GMDS: variants seen among roughly 807,000 people sequenced by gnomAD.
GMDS encodes GDP-mannose 4,6 dehydratase.
Under a neutral mutation model 49.9 loss-of-function variants are expected in GMDS, and 20 were observed. The ratio of observed to expected loss-of-function variants is 0.40; its 90% CI spans 0.28 to 0.58. The LOEUF (loss-of-function observed/expected upper bound fraction) is 0.58. Among genes scored for constraint, GMDS ranks in the 20% least tolerant of loss-of-function variants. The pLI, the probability that GMDS is intolerant of heterozygous loss-of-function variation, is 0.42. For synonymous variants in GMDS, 177 were observed against 178.6 expected (o/e 0.99, Z 0.07); for missense variants, 362 against 481.4 (o/e 0.75, Z 2.32).
At chr6:1,810,078 C>T (rs542482552) in intron 7 of GMDS, among the ~76,000 whole-genome samples, 16 of 152,100 alleles carry the variant, frequency 1.1e-4, no homozygotes, top group African/African-American at 2.4e-4. Flanking sequence ...GCCCCTGAGC[C>T]GGGGGTGGGG....
chr6:1,779,984 A>G (rs1247682199), intron 7 of GMDS, among the ~76,000 whole-genome samples: 3 of 152,234 alleles, frequency 2.0e-5, no homozygotes, highest in African/African-American at 7.2e-5. Context: ...AGTGTGGTCC[A>G]GTTCTGAGTT....
At chr6:2,096,304 A>G (rs191579881) in intron 4 of GMDS, among the ~76,000 whole-genome samples, 2 of 152,326 alleles carry the variant, frequency 1.3e-5, no homozygotes, top group East Asian at 3.9e-4. Flanking sequence ...CCAGTGTCTT[A>G]AAGCAGGGAC....
chr6:2,141,303 T>G (rs1237965813), intron 1 of GMDS, among the ~76,000 whole-genome samples: 2 of 152,136 alleles, frequency 1.3e-5, no homozygotes, highest in African/African-American at 4.8e-5. Context: ...CCACACTGCA[T>G]AGGAAGCTGG....
intron 4 of GMDS, among the ~76,000 whole-genome samples, chr6:2,021,414 T>G (rs1365703489): frequency 2.6e-5 from 4 of 152,094 alleles, no homozygotes; most frequent in African/African-American, 9.7e-5. Context: ...ACCCTTAAGA[T>G]AGTCGATTAA....
chr6:2,145,691 T>C (rs751242802), intron 1 of GMDS, among the ~76,000 whole-genome samples: 7 of 152,114 alleles, frequency 4.6e-5, no homozygotes, highest in Admixed American at 2.0e-4. Flanking sequence ...TTTAAAAATA[T>C]AGTATAACAA....
At chr6:2,234,699 T>A (rs1467375172) in intron 1 of GMDS, among the ~76,000 whole-genome samples, 1 of 152,192 alleles carries the variant, frequency 6.6e-6, no homozygotes, top group Non-Finnish European at 1.5e-5. Context: ...CCTATTAGCA[T>A]ATGGTAGACA....
intron 9 of GMDS, among the ~76,000 whole-genome samples, chr6:1,643,181 C>T (rs900906492): frequency 5.3e-5 from 8 of 152,120 alleles, no homozygotes; most frequent in Admixed American, 5.2e-4. Context: ...TGAGATGTGC[C>T]GGAATCTCCA....
At chr6:2,070,249 C>T (rs1386340212) in intron 4 of GMDS, among the ~76,000 whole-genome samples, 1 of 135,504 alleles carries the variant, frequency 7.4e-6, no homozygotes, top group Non-Finnish European at 1.5e-5. Context: ...AGGGGAACAT[C>T]ACACTCTGGG....
intron 4 of GMDS, among the ~76,000 whole-genome samples, chr6:2,002,931 G>C (rs546448329): frequency 6.6e-6 from 1 of 152,170 alleles, no homozygotes; most frequent in African/African-American, 2.4e-5. Flanking sequence ...CTTGTGGACA[G>C]GTTATTTTGA....
chr6:1,894,539 TAC>T (rs1760053148), intron 7 of GMDS, among the ~76,000 whole-genome samples: 1 of 152,220 alleles, frequency 6.6e-6, no homozygotes, highest in African/African-American at 2.4e-5. Flanking sequence ...GTGCTTTCTT[TAC>T]AGTTTCAAAG....
chr6:2,002,313 A>G (rs1182215221), intron 4 of GMDS, among the ~76,000 whole-genome samples: 1 of 152,206 alleles, frequency 6.6e-6, no homozygotes, highest in Admixed American at 6.5e-5. Context: ...AATAATCAAC[A>G]AAAGTTATGT....
At chr6:1,915,247 G>A (rs1000538508) in intron 7 of GMDS, among the ~76,000 whole-genome samples, 13 of 152,210 alleles carry the variant, frequency 8.5e-5, no homozygotes, top group Admixed American at 7.9e-4. Flanking sequence ...AGAGATGCTA[G>A]GGGCCAGATG....
intron 7 of GMDS, among the ~76,000 whole-genome samples, chr6:1,751,049 T>C (rs1767702664): frequency 6.6e-6 from 1 of 152,160 alleles, no homozygotes; most frequent in South Asian, 2.1e-4. Flanking sequence ...AGAGCATTTC[T>C]GAAAGAAAGG....
intron 1 of GMDS, among the ~76,000 whole-genome samples, chr6:2,152,739 T>G (rs1776902661): frequency 6.6e-6 from 1 of 152,138 alleles, no homozygotes; most frequent in African/African-American, 2.4e-5. Context: ...GGTGACAAAA[T>G]TATATGTTGG....
At chr6:2,127,227 T>C (rs1562080096) in intron 1 of GMDS, among the ~76,000 whole-genome samples, 2 of 152,256 alleles carry the variant, frequency 1.3e-5, no homozygotes, top group East Asian at 1.9e-4. Flanking sequence ...AACAGCTTAA[T>C]AGAAAAATAT....
At chr6:1,933,818 G>A (rs1762403480) in intron 6 of GMDS, among the ~76,000 whole-genome samples, 1 of 152,080 alleles carries the variant, frequency 6.6e-6, no homozygotes, top group Non-Finnish European at 1.5e-5. Flanking sequence ...CATTCTGTAG[G>A]CTGACTTTTC....
intron 1 of GMDS, among the ~76,000 whole-genome samples, chr6:2,133,445 G>A (rs1314990466): frequency 6.6e-6 from 1 of 152,182 alleles, no homozygotes; most frequent in Non-Finnish European, 1.5e-5. Context: ...GTCTGCTACT[G>A]AAATACTGCT....
At chr6:1,632,702 C>A (rs1325193368) in intron 9 of GMDS, among the ~76,000 whole-genome samples, 1 of 152,014 alleles carries the variant, frequency 6.6e-6, no homozygotes, top group Non-Finnish European at 1.5e-5. Flanking sequence ...TATGGCAGGA[C>A]CCTGTCTCTA....
intron 7 of GMDS, among the ~76,000 whole-genome samples, chr6:1,853,503 G>C (rs1757801505): frequency 7.8e-6 from 1 of 128,358 alleles, no homozygotes. Flanking sequence ...GGGCGACAGA[G>C]CGAGACTCCG....
Sources: allele counts gnomAD v4.1 joint callset (sites outside exome capture counted in the v4.1 genomes callset), GRCh38; gene constraint gnomAD v4.1.1; transcripts MANE v1.5; gene names NCBI Gene and HGNC (gene_info 2026-07-23, HGNC 2026-07-21).